DIAPH3: variants seen among roughly 807,000 people sequenced by gnomAD.
The protein encoded by DIAPH3 is diaphanous related formin 3.
In DIAPH3, 117 loss-of-function variants were observed where a neutral mutation model predicts 144.3. The observed-to-expected ratio is 0.81, with a 90% CI of 0.70 to 0.95. The LOEUF is 0.95. Ranked by LOEUF, DIAPH3 falls within the 40% of genes least tolerant of loss-of-function variation. The pLI, the probability that DIAPH3 is intolerant of heterozygous loss-of-function variation, is 0.00. For synonymous variants in DIAPH3, 519 were observed against 488.9 expected, an observed-to-expected ratio of 1.06 and a Z score of -0.81; for missense variants, 1,421 against 1,412.7, an observed-to-expected ratio of 1.01 and a Z score of -0.09.
chr13:59,784,659 G>A (rs1006418610), intron 25 of DIAPH3, among the ~76,000 whole-genome samples: 2 of 152,152 alleles, frequency 1.3e-5, no homozygotes, highest in African/African-American at 4.8e-5. Flanking sequence ...TTACAGGTGT[G>A]AGCCACCACG....
At chr13:60,043,214 T>C (rs2055817501) in intron 4 of DIAPH3, among the ~76,000 whole-genome samples, 1 of 152,206 alleles carries the variant, frequency 6.6e-6, no homozygotes. Flanking sequence ...GGCTATTAGG[T>C]ATTAATTCAT....
intron 14 of DIAPH3, among the ~76,000 whole-genome samples, chr13:59,980,539 C>A (rs1249331700): frequency 6.6e-6 from 1 of 151,458 alleles, no homozygotes; most frequent in East Asian, 1.9e-4. Context: ...CATATAAATA[C>A]ATAAACTATG....
chr13:60,101,135 A>G (rs2058256560), intron 3 of DIAPH3, among the ~76,000 whole-genome samples: 1 of 152,232 alleles, frequency 6.6e-6, no homozygotes, highest in Non-Finnish European at 1.5e-5. Context: ...CTAAACATTC[A>G]TAAGCATTAC....
intron 9 of DIAPH3, among the ~76,000 whole-genome samples, chr13:59,995,902 T>C (rs2052160718): frequency 6.6e-6 from 1 of 151,696 alleles, no homozygotes; most frequent in Non-Finnish European, 1.5e-5. Flanking sequence ...AAAAAGGAGG[T>C]GTCAGAACTG....
chr13:59,802,975 C>A (rs568046126), intron 25 of DIAPH3, among the ~76,000 whole-genome samples: 1 of 152,012 alleles, frequency 6.6e-6, no homozygotes, highest in Non-Finnish European at 1.5e-5. Flanking sequence ...TGAGCCACCG[C>A]GCCCAGCCGA....
Position 59,701,163 on chromosome 13 carries a change from T to C in DIAPH3, c.3320-34317A>G, listed in dbSNP as rs957902438. On this transcript the variant is annotated intron_variant, in intron 27 of 27. Transcript: ENST00000400324. ...ATTGATCTTATCCTTCTGTTAATTTTAGTTGCGTGCATTCCATTGTACCTA... is the reference window on the plus strand; with the variant it reads ...ATTGATCTTATCCTTCTGTTAATTTCAGTTGCGTGCATTCCATTGTACCTA... Among the ~76,000 whole-genome samples the C allele has an allele frequency of 1.2e-4, 19 of 152,374 alleles. 1 individual carries two copies. Among genetic ancestry groups the C allele is most frequent in the South Asian group, 1.2e-3 (6 of 4,830 alleles).
intron 1 of DIAPH3, among the ~76,000 whole-genome samples, chr13:60,142,337 T>C (rs554188959): frequency 3.7e-4 from 56 of 152,284 alleles, no homozygotes; most frequent in Non-Finnish European, 6.5e-4. Flanking sequence ...CCAGAAGGTA[T>C]TAGAAATACT....
At chr13:59,783,338 C>G (rs2038848281) in intron 25 of DIAPH3, among the ~76,000 whole-genome samples, 2 of 152,094 alleles carry the variant, frequency 1.3e-5, no homozygotes, top group Non-Finnish European at 2.9e-5. Flanking sequence ...TATCATTTGC[C>G]AAGTACAGAA....
chr13:59,823,987 T>A (rs1446644399), intron 24 of DIAPH3, among the ~76,000 whole-genome samples: 1 of 152,184 alleles, frequency 6.6e-6, no homozygotes, highest in African/African-American at 2.4e-5. Flanking sequence ...CAACATAGAT[T>A]TCAATTTTAT....
intron 1 of DIAPH3, among the ~76,000 whole-genome samples, chr13:60,150,982 T>C (rs1206935236): frequency 6.6e-6 from 1 of 150,570 alleles, no homozygotes; most frequent in Non-Finnish European, 1.5e-5. Flanking sequence ...TAGGTCTACA[T>C]GAAACAGAAA....
chr13:59,767,005 C>T (rs947984924), intron 27 of DIAPH3, among the ~76,000 whole-genome samples: 1 of 152,120 alleles, frequency 6.6e-6, no homozygotes, highest in Admixed American at 6.5e-5. Flanking sequence ...ACTTCTTTGT[C>T]ACTGGTGGCT....
intron 25 of DIAPH3, among the ~76,000 whole-genome samples, chr13:59,807,219 C>CGTTCAGA (rs113750750): frequency 1.3e-5 from 2 of 151,724 alleles, no homozygotes; most frequent in African/African-American, 4.8e-5. Context: ...AACTAAGGAC[C>CGTTCAGA]ATCATCATCA....
rs1401351678 is a variant in DIAPH3 at position 59,954,533 on chromosome 13, G to A, written c.2074+15411C>T. ...AGAGATACAAAAGTGGACAGGGGAT[G>A]ACCATGTCAGGTGGTTAGTTGACTT... is the stretch of plus-strand genomic sequence containing the variant. On this transcript the variant is annotated intron_variant, in intron 17 of 27. Transcript: ENST00000400324. Among the ~76,000 whole-genome samples, 13 of 152,284 alleles carry A rather than the reference G, an allele frequency of 8.5e-5. No individual in the cohort carries two copies. In the East Asian group the frequency reaches 1.9e-3, roughly 23 times the overall value.
At chr13:59,904,454 T>C (rs2046620410) in intron 20 of DIAPH3, among the ~76,000 whole-genome samples, 1 of 152,198 alleles carries the variant, frequency 6.6e-6, no homozygotes, top group African/African-American at 2.4e-5. Context: ...TTAATGCTAT[T>C]CTAAGAATTT....
At chr13:59,972,236 T>C (rs1292573933) in intron 15 of DIAPH3, among the ~76,000 whole-genome samples, 1 of 152,094 alleles carries the variant, frequency 6.6e-6, no homozygotes, top group Non-Finnish European at 1.5e-5. Context: ...CTTTGCAGAA[T>C]CAAATGCCAC....
intron 24 of DIAPH3, among the ~76,000 whole-genome samples, chr13:59,815,947 T>C (rs1042173725): frequency 6.6e-6 from 1 of 152,116 alleles, no homozygotes; most frequent in Non-Finnish European, 1.5e-5. Flanking sequence ...ATTCTAAGTA[T>C]TAGGTTAAAG....
intron 2 of DIAPH3, among the ~76,000 whole-genome samples, chr13:60,115,355 G>A (rs981120826): frequency 2.6e-5 from 4 of 152,106 alleles, no homozygotes; most frequent in East Asian, 1.9e-4. Context: ...CACTAAACAC[G>A]ATGAAAAATA....
intron 20 of DIAPH3, among the ~76,000 whole-genome samples, chr13:59,886,977 C>T (rs1334961548): frequency 6.6e-6 from 1 of 152,016 alleles, no homozygotes; most frequent in Non-Finnish European, 1.5e-5. Flanking sequence ...GGTTCTCAAC[C>T]ATAAAAGACA....
intron 4 of DIAPH3, chr13:60,044,209 C>T (rs542925954): frequency 2.0e-5 from 3 of 152,110 alleles, no homozygotes; most frequent in South Asian, 2.1e-4. Flanking sequence ...CACCATCCAA[C>T]GGCAGGAAAT....
Sources: allele counts gnomAD v4.1 joint callset (sites outside exome capture counted in the v4.1 genomes callset), GRCh38; gene constraint gnomAD v4.1.1; transcripts MANE v1.5; gene names NCBI Gene and HGNC (gene_info 2026-07-23, HGNC 2026-07-21).